WDHD1: variants seen among roughly 807,000 people sequenced by gnomAD.
WDHD1 encodes the protein WD repeat and HMG-box DNA binding protein 1, also known as WD repeat and HMG-box DNA-binding protein 1.
WDHD1 carries 111 observed loss-of-function variants against 135.4 expected under a neutral mutation model. The ratio of observed to expected loss-of-function variants is 0.82; its 90% CI spans 0.70 to 0.96. The LOEUF (loss-of-function observed/expected upper bound fraction) is 0.96, where lower values mean the gene tolerates loss of function less well. Ranked by LOEUF, WDHD1 falls within the 40% of genes least tolerant of loss-of-function variation. The pLI is 0.00. For missense variants in WDHD1, 1,351 were observed against 1,336.3 expected (o/e 1.01, Z -0.17); for synonymous variants, 434 against 439.0 (o/e 0.99, Z 0.14).
intron 7 of WDHD1, among the ~76,000 whole-genome samples, chr14:55,003,249 C>T (rs2042004317): frequency 6.6e-6 from 1 of 152,002 alleles, no homozygotes; most frequent in East Asian, 1.9e-4. Context: ...GTAGCTCAGG[C>T]CTATAATCTC....
intron 18 of WDHD1, among the ~76,000 whole-genome samples, chr14:54,964,863 C>T (rs1317774735): frequency 6.6e-6 from 1 of 152,174 alleles, no homozygotes; most frequent in Non-Finnish European, 1.5e-5. Flanking sequence ...GGCTAAATAG[C>T]AAATACATGA....
intron 24 of WDHD1, among the ~76,000 whole-genome samples, chr14:54,945,232 G>A (rs188341640): frequency 8.5e-4 from 129 of 152,200 alleles, no homozygotes; most frequent in African/African-American, 2.9e-3. Context: ...GGTGAAGCAC[G>A]GACACAGCAC....
chr14:54,947,678 G>A (rs149332555), intron 24 of WDHD1, among the ~76,000 whole-genome samples: 3,913 of 151,920 alleles, frequency 0.026, 68 homozygotes, highest in South Asian at 0.048. Context: ...TGCAGCCTCC[G>A]TCTCCTGTGT....
intron 7 of WDHD1, among the ~76,000 whole-genome samples, chr14:55,004,074 AATTTT>A (rs2042023428): frequency 6.6e-6 from 1 of 152,192 alleles, no homozygotes; most frequent in Non-Finnish European, 1.5e-5. Context: ...CTACTTTATT[AATTTT>A]ATTTCCTGAA....
rs71448422 is a variant in WDHD1 at position 55,013,194 on chromosome 14, C to CAAAAAAAAAA, written c.189+281_189+290dup. Reference sequence around the variant, plus strand: ...TGAGCAACATGGCAAGATCCCGTTTCAAAAAAAAAAAAAAAAAAAAAAAAT... The same window carrying CAAAAAAAAAA: ...TGAGCAACATGGCAAGATCCCGTTTCAAAAAAAAAAAAAAAAAAAAAAAAAAAAAAAAAAT... On this transcript the variant is annotated intron_variant, in intron 3 of 25. Transcript: ENST00000360586. Among the ~76,000 whole-genome samples, 116 of 82,306 alleles carry CAAAAAAAAAA rather than the reference C, an allele frequency of 1.4e-3. 6 individuals are homozygous for CAAAAAAAAAA. The highest frequency in any genetic ancestry group is 5.5e-3 in the African/African-American group (106 of 19,312). 54.0% of individuals were successfully genotyped at this position (82,306 alleles called of 152,430 possible). A position where few individuals can be genotyped will look rare whatever the true frequency, so the allele number is the denominator to read the frequency against.
intron 2 of WDHD1, among the ~76,000 whole-genome samples, chr14:55,019,994 A>G (rs1414204742): frequency 1.3e-5 from 2 of 152,212 alleles, no homozygotes; most frequent in Non-Finnish European, 1.5e-5. Flanking sequence ...CCTCAACTCT[A>G]TCCTCAGAGA....
intron 2 of WDHD1, 115 bp downstream of exon 2, chr14:55,026,596 T>C (rs2042446608): frequency 2.9e-6 from 3 of 1,038,040 alleles, no homozygotes; most frequent in East Asian, 2.4e-5. Flanking sequence ...CCATTTTAGA[T>C]TTCAACATTA....
chr14:54,996,333 C>T (rs2041878201), intron 10 of WDHD1, among the ~76,000 whole-genome samples: 1 of 152,182 alleles, frequency 6.6e-6, no homozygotes, highest in South Asian at 2.1e-4. Flanking sequence ...AAAGCCCCAG[C>T]ATGGTGGCTC....
At chr14:54,961,461 C>A (rs760788050) in intron 21 of WDHD1, among the ~76,000 whole-genome samples, 9 of 152,216 alleles carry the variant, frequency 5.9e-5, no homozygotes, top group Non-Finnish European at 1.2e-4. Context: ...TCACACCACC[C>A]TTTTGCAGCC....
At chr14:54,978,973 C>T (rs2041573103) in intron 16 of WDHD1, among the ~76,000 whole-genome samples, 1 of 152,008 alleles carries the variant, frequency 6.6e-6, no homozygotes, top group African/African-American at 2.4e-5. Context: ...AAAGCTACTA[C>T]TTTTTTTTCT....
intron 2 of WDHD1, among the ~76,000 whole-genome samples, chr14:55,014,990 T>A (rs1485326546): frequency 6.6e-6 from 1 of 152,012 alleles, no homozygotes; most frequent in Non-Finnish European, 1.5e-5. Context: ...GAAAATGAAG[T>A]CTAGGTCACC....
chr14:54,985,971 G>C (rs891201336), intron 14 of WDHD1, among the ~76,000 whole-genome samples: 27 of 152,174 alleles, frequency 1.8e-4, no homozygotes, highest in African/African-American at 6.0e-4. Flanking sequence ...TTTTTATTGT[G>C]AGCAAATTAA....
intron 9 of WDHD1, 39 bp from the exon 10 acceptor site, chr14:55,000,683 A>G (rs117273767): frequency 0.033 from 47,392 of 1,457,738 alleles, 925 homozygotes; most frequent in South Asian, 0.046. Flanking sequence ...TACTGTCAAG[A>G]AAAATATAAA....
At chr14:54,999,786 TTG>T (rs1193403453) in intron 10 of WDHD1, among the ~76,000 whole-genome samples, 2 of 152,004 alleles carry the variant, frequency 1.3e-5, no homozygotes, top group Non-Finnish European at 2.9e-5. Context: ...TTTTAATTTT[TTG>T]TAGAGATGGG....
intron 14 of WDHD1, among the ~76,000 whole-genome samples, chr14:54,986,193 T>C (rs991677607): frequency 3.3e-5 from 5 of 152,192 alleles, no homozygotes; most frequent in Non-Finnish European, 7.3e-5. Flanking sequence ...CAATTTTAAT[T>C]TGCAACTAGC....
intron 23 of WDHD1, 116 bp from the exon 24 acceptor site, chr14:54,955,810 CAT>C (rs1209619165): frequency 7.5e-5 from 72 of 962,528 alleles, no homozygotes; most frequent in East Asian, 1.4e-4. Flanking sequence ...CTTATACTAA[CAT>C]GTGAAATCTG....
chr14:54,999,241 T>G (rs1171187182), intron 10 of WDHD1, among the ~76,000 whole-genome samples: 1 of 152,178 alleles, frequency 6.6e-6, no homozygotes, highest in Non-Finnish European at 1.5e-5. Flanking sequence ...TATTTCCCCC[T>G]TACCCAAGAC....
intron 10 of WDHD1, among the ~76,000 whole-genome samples, chr14:55,000,048 T>G (rs376378614): frequency 1.3e-5 from 2 of 152,316 alleles, no homozygotes; most frequent in East Asian, 3.9e-4. Flanking sequence ...ACCAGAAGTC[T>G]AAACTAAGAC....
chr14:54,988,586 T>A (rs1472541500), intron 13 of WDHD1, among the ~76,000 whole-genome samples: 1 of 152,122 alleles, frequency 6.6e-6, no homozygotes, highest in Non-Finnish European at 1.5e-5. Context: ...GAGGTTCAAA[T>A]AGAAAGAAAT....
Sources: gnomAD v4.1 joint callset for allele counts (sites outside exome capture counted in the v4.1 genomes callset) on GRCh38, gnomAD v4.1.1 for gene constraint, MANE v1.5 for transcripts, NCBI Gene and HGNC (gene_info 2026-07-23, HGNC 2026-07-21) for gene names.